Variants in PRKCB observed in about 807,000 individuals in gnomAD.
The protein encoded by PRKCB is protein kinase C beta type.
In PRKCB, 13 loss-of-function variants were observed where a neutral mutation model predicts 81.5. The observed-to-expected ratio is 0.16, with a 90% CI of 0.10 to 0.25. The LOEUF (loss-of-function observed/expected upper bound fraction) is 0.25, where lower values mean the gene tolerates loss of function less well. PRKCB is among the 10% of genes least tolerant of loss of function. PRKCB has a pLI of 1.00. For synonymous variants in PRKCB, 335 were observed against 321.4 expected, an observed-to-expected ratio of 1.04 and a Z score of -0.45; for missense variants, 509 against 875.7, an observed-to-expected ratio of 0.58 and a Z score of 5.29.
intron 7 of PRKCB, among the ~76,000 whole-genome samples, chr16:24,098,060 C>A (rs1381438073): frequency 6.6e-6 from 1 of 152,188 alleles, no homozygotes; most frequent in Non-Finnish European, 1.5e-5. Flanking sequence ...CCCTTCTCAT[C>A]ATGGCCTGAA....
intron 2 of PRKCB, among the ~76,000 whole-genome samples, chr16:23,938,817 T>C (rs901222382): frequency 6.6e-6 from 1 of 152,222 alleles, no homozygotes; most frequent in Non-Finnish European, 1.5e-5. Flanking sequence ...TTAATGACCC[T>C]GGGACGTGTT....
chr16:24,216,050 AC>A lies in PRKCB; in HGVS notation c.*1235del. On this transcript the variant is annotated 3_prime_UTR_variant, in exon 17 of 17. Transcript: ENST00000643927. ...CAAGGAAAACTGCTCTTTTTGAGAA[AC>A]GTGGACCTAAACTACAAAGTGGGAA... 3.0e-6 allele frequency: 3 copies of A among 985,352 alleles called. No homozygotes were observed. Among genetic ancestry groups the A allele is most frequent in the Non-Finnish European group, 3.6e-6 (3 of 829,890 alleles). 61.0% of individuals were successfully genotyped at this position (985,352 alleles called of 1,614,324 possible).
intron 12 of PRKCB, among the ~76,000 whole-genome samples, chr16:24,175,971 C>CA (rs34578906): frequency 0.08 from 3,899 of 48,952 alleles, 114 homozygotes; most frequent in Non-Finnish European, 0.1. Context: ...GACCCTGTCT[C>CA]AAAAAAAAAA....
At chr16:23,908,036 G>A (rs1009087426) in intron 2 of PRKCB, among the ~76,000 whole-genome samples, 19 of 152,116 alleles carry the variant, frequency 1.2e-4, no homozygotes, top group African/African-American at 4.3e-4. Context: ...GGAGATTTGG[G>A]GCAGCAGGTG....
rs1371535308 is a variant in PRKCB at position 23,981,570 on chromosome 16, CTTTCT to C, written c.206-6933_206-6929del. 2.2e-3 allele frequency among the ~76,000 whole-genome samples: 264 copies of C among 120,554 alleles called. 1 individual carries two copies. Among genetic ancestry groups the C allele is most frequent in the South Asian group, 6.0e-3 (16 of 2,668 alleles). The allele number at this position is 120,554 out of a possible 152,430, so 79.1% of individuals were successfully genotyped here. A position where few individuals can be genotyped will look rare whatever the true frequency, so the allele number is the denominator to read the frequency against. ...GCTGGCAGGTGGCCTTTCTTCTTTCCTTTCTTTTCCTTTCCTTTCCTTCCCTTCCC... is the reference window on the plus strand; with the variant it reads ...GCTGGCAGGTGGCCTTTCTTCTTTCCTTTCCTTTCCTTTCCTTCCCTTCCC... On this transcript the variant is annotated intron_variant, in intron 2 of 16. Transcript: ENST00000643927.
At chr16:24,102,210 T>C (rs912610644) in intron 7 of PRKCB, among the ~76,000 whole-genome samples, 17 of 152,172 alleles carry the variant, frequency 1.1e-4, no homozygotes, top group African/African-American at 4.1e-4. Context: ...ATCAGATTGA[T>C]TACAACACCC....
intron 2 of PRKCB, among the ~76,000 whole-genome samples, chr16:23,861,484 A>G (rs2141090597): frequency 6.6e-6 from 1 of 152,252 alleles, no homozygotes; most frequent in Admixed American, 6.5e-5. Context: ...GTTCTTAAAA[A>G]CAGAATATCT....
intron 5 of PRKCB, among the ~76,000 whole-genome samples, chr16:24,055,193 A>G (rs1289336139): frequency 1.3e-5 from 2 of 152,200 alleles, no homozygotes; most frequent in Admixed American, 1.3e-4. Flanking sequence ...TCCTTTCACA[A>G]TCATCTTCTC....
intron 3 of PRKCB, among the ~76,000 whole-genome samples, chr16:23,999,946 A>G (rs988451543): frequency 6.6e-6 from 1 of 152,098 alleles, no homozygotes; most frequent in African/African-American, 2.4e-5. Flanking sequence ...GGCCTGTGTG[A>G]TTTGGCTCTC....
intron 2 of PRKCB, among the ~76,000 whole-genome samples, chr16:23,888,289 G>A (rs17753246): frequency 0.03 from 4,560 of 152,278 alleles, 105 homozygotes; most frequent in South Asian, 0.065. Flanking sequence ...ACCAAACAGC[G>A]GAAGGCACAG....
chr16:24,140,643 G>A (rs565111153), intron 9 of PRKCB, among the ~76,000 whole-genome samples: 3 of 152,220 alleles, frequency 2.0e-5, no homozygotes, highest in African/African-American at 4.8e-5. Flanking sequence ...ATGGGTTCAC[G>A]TCGGGGCTGT....
chr16:23,898,511 A>G (rs1597234672), intron 2 of PRKCB, among the ~76,000 whole-genome samples: 1 of 152,180 alleles, frequency 6.6e-6, no homozygotes, highest in East Asian at 1.9e-4. Flanking sequence ...CACAGGTAAT[A>G]ATACAATTAC....
chr16:24,182,982 G>A (rs1007725348), intron 13 of PRKCB, among the ~76,000 whole-genome samples: 5 of 151,616 alleles, frequency 3.3e-5, no homozygotes, highest in Admixed American at 6.6e-5. Context: ...TCAGCCTCCC[G>A]AGTAGCTGGG....
At chr16:24,207,622 T>G (rs1968067125) in intron 16 of PRKCB, among the ~76,000 whole-genome samples, 1 of 152,224 alleles carries the variant, frequency 6.6e-6, no homozygotes, top group Admixed American at 6.5e-5. Flanking sequence ...ATCAAATAGA[T>G]GTATCATTAT....
chr16:24,183,247 T>C (rs1027921817), intron 13 of PRKCB, among the ~76,000 whole-genome samples: 1 of 152,212 alleles, frequency 6.6e-6, no homozygotes, highest in Non-Finnish European at 1.5e-5. Flanking sequence ...ACATTTATCA[T>C]GTGCAACATG....
intron 9 of PRKCB, among the ~76,000 whole-genome samples, chr16:24,132,719 A>G (rs1231869276): frequency 1.3e-5 from 2 of 151,510 alleles, no homozygotes; most frequent in Admixed American, 1.3e-4. Flanking sequence ...TCACACAGCT[A>G]GTAAATGGCA....
At chr16:24,082,487 T>C (rs1045532056) in intron 5 of PRKCB, among the ~76,000 whole-genome samples, 5 of 152,182 alleles carry the variant, frequency 3.3e-5, no homozygotes, top group Non-Finnish European at 1.5e-5. Context: ...AGTAATCAAA[T>C]GTGATATTGG....
At chr16:23,928,037 G>A (rs746423520) in intron 2 of PRKCB, among the ~76,000 whole-genome samples, 7 of 151,836 alleles carry the variant, frequency 4.6e-5, no homozygotes, top group Admixed American at 3.9e-4. Context: ...GAGAGGAGGG[G>A]CCCAGGCTGG....
At chr16:24,072,237 T>C (rs7192503) in intron 5 of PRKCB, among the ~76,000 whole-genome samples, 25,217 of 151,986 alleles carry the variant, frequency 0.17, 4,228 homozygotes, top group African/African-American at 0.43. Context: ...ATCCCTGCCT[T>C]CTCCCAGCCC....
Sources: gnomAD v4.1 joint callset for allele counts (sites outside exome capture counted in the v4.1 genomes callset) on GRCh38, gnomAD v4.1.1 for gene constraint, MANE v1.5 for transcripts, NCBI Gene and HGNC (gene_info 2026-07-23, HGNC 2026-07-21) for gene names.